ZFHX3: variants seen among roughly 807,000 people sequenced by gnomAD.
ZFHX3 encodes zinc finger homeobox 3, also known as zinc finger homeobox protein 3.
Under a neutral mutation model 279.1 loss-of-function variants are expected in ZFHX3, and 42 were observed. The observed-to-expected ratio is 0.15, with a 90% CI of 0.12 to 0.19. The LOEUF is 0.19. ZFHX3 is among the 10% of genes least tolerant of loss of function. The pLI, the probability that ZFHX3 is intolerant of heterozygous loss-of-function variation, is 1.00. For missense variants in ZFHX3, 4,981 were observed against 4,754.0 expected, an observed-to-expected ratio of 1.05 and a Z score of -1.40; for synonymous variants, 2,293 against 1,957.8, an observed-to-expected ratio of 1.17 and a Z score of -4.52.
At chr16:73,485,118 G>A (rs2018950110) in intron 2 of ZFHX3, among the ~76,000 whole-genome samples, 1 of 152,180 alleles carries the variant, frequency 6.6e-6, no homozygotes, top group South Asian at 2.1e-4. Context: ...ATAGGAGGAG[G>A]ACTGAAAATA....
At chr16:73,376,111 C>G (rs964031849) in intron 3 of ZFHX3, among the ~76,000 whole-genome samples, 7 of 152,184 alleles carry the variant, frequency 4.6e-5, no homozygotes, top group Non-Finnish European at 7.3e-5. Flanking sequence ...CTACAGGTAA[C>G]TTTAAGATAA....
intron 2 of ZFHX3, among the ~76,000 whole-genome samples, chr16:73,463,118 C>G (rs114457287): frequency 0.016 from 2,413 of 152,246 alleles, 52 homozygotes; most frequent in African/African-American, 0.056. Context: ...TTTCTTAGTC[C>G]ATAATACTCA....
intron 1 of ZFHX3, among the ~76,000 whole-genome samples, chr16:73,033,629 C>T (rs982499390): frequency 3.9e-5 from 6 of 152,120 alleles, no homozygotes; most frequent in African/African-American, 1.4e-4. Context: ...AGGCCAGCGC[C>T]GGGGCCCCTT....
At chr16:73,518,237 T>G (rs1276818847) in intron 2 of ZFHX3, among the ~76,000 whole-genome samples, 2 of 152,214 alleles carry the variant, frequency 1.3e-5, no homozygotes, top group African/African-American at 2.4e-5. Flanking sequence ...TCGCCTTCTT[T>G]CGCTGGACTA....
intron 3 of ZFHX3, among the ~76,000 whole-genome samples, chr16:73,439,816 G>A (rs934601687): frequency 6.8e-6 from 1 of 146,602 alleles, no homozygotes; most frequent in African/African-American, 2.5e-5. Flanking sequence ...TGCTGAAATT[G>A]GACACATGTG....
chr16:73,262,451 G>A (rs904233566), intron 4 of ZFHX3, among the ~76,000 whole-genome samples: 1 of 152,176 alleles, frequency 6.6e-6, no homozygotes, highest in Non-Finnish European at 1.5e-5. Flanking sequence ...CTAGTTGTGT[G>A]ACCTGGAGCA....
At chr16:73,629,364 C>G (rs1056285022) in intron 2 of ZFHX3, among the ~76,000 whole-genome samples, 7 of 152,034 alleles carry the variant, frequency 4.6e-5, no homozygotes, top group African/African-American at 1.7e-4. Context: ...TTTATTTTCC[C>G]TCCTTCTTAG....
At chr16:72,945,141 G>A (rs1473898457) in intron 3 of ZFHX3, among the ~76,000 whole-genome samples, 2 of 152,094 alleles carry the variant, frequency 1.3e-5, no homozygotes, top group African/African-American at 4.8e-5. Context: ...ACAACCTATT[G>A]GACGAATGTG....
intron 2 of ZFHX3, among the ~76,000 whole-genome samples, chr16:73,507,485 CTTTTTTTTTT>C (rs752001880): frequency 6.3e-5 from 5 of 79,762 alleles, no homozygotes; most frequent in Admixed American, 3.8e-4. Flanking sequence ...AGCTCTGCCA[CTTTTTTTTTT>C]TTTTTTTTTT....
intron 1 of ZFHX3, among the ~76,000 whole-genome samples, chr16:73,760,996 G>A (rs201774207): frequency 1.3e-3 from 187 of 141,942 alleles, no homozygotes; most frequent in Middle Eastern, 3.8e-3. Context: ...GCAAGAAAAA[G>A]AAAAAAAAAA....
intron 3 of ZFHX3, among the ~76,000 whole-genome samples, chr16:73,446,414 G>C (rs2018186210): frequency 6.6e-6 from 1 of 152,118 alleles, no homozygotes; most frequent in African/African-American, 2.4e-5. Flanking sequence ...GAGTGAAGCT[G>C]GGGAAAGAAC....
chr16:73,021,648 T>A (rs372315912), intron 1 of ZFHX3, among the ~76,000 whole-genome samples: 3 of 151,278 alleles, frequency 2.0e-5, no homozygotes, highest in Non-Finnish European at 4.4e-5. Context: ...CTGGCCAACA[T>A]AGTGAAACCC....
intron 2 of ZFHX3, among the ~76,000 whole-genome samples, chr16:73,613,736 T>C (rs2052271056): frequency 6.6e-6 from 1 of 152,204 alleles, no homozygotes; most frequent in Admixed American, 6.5e-5. Context: ...GTGCCCCGTT[T>C]CACTAGGCAT....
chr16:73,442,301 C>T (rs1413012162), intron 3 of ZFHX3, among the ~76,000 whole-genome samples: 1 of 152,008 alleles, frequency 6.6e-6, no homozygotes, highest in African/African-American at 2.4e-5. Flanking sequence ...TATAGATGAA[C>T]CTTTTCTCCT....
At chr16:73,526,746 A>T (rs1423844146) in intron 2 of ZFHX3, among the ~76,000 whole-genome samples, 1 of 152,180 alleles carries the variant, frequency 6.6e-6, no homozygotes, top group Non-Finnish European at 1.5e-5. Context: ...CCCAGTGGCT[A>T]ATAATCTAGC....
chr16:72,798,705 T>G lies in ZFHX3; in HGVS notation c.3977A>C (p.Glu1326Ala). The change falls in exon 9 of 10, where the codon GAG becomes GCG. Residue 1326 changes from glutamate (E) to alanine (A), a missense_variant. By Grantham distance (107) the Glu-to-Ala change is moderately radical (BLOSUM62 -1). Around this residue, in one of 7 missense-constraint regions of ZFHX3, gnomAD observed 1,751 missense variants for 1,770.0 expected, o/e 0.99. Transcript: ENST00000268489. ...EEAGKQPETS[E>A]DLGKNILPSA... ...TGGCAAGATGTTCTTTCCCAGATCC[T>G]CTGAGGTTTCTGTTAAAAAAAAAAA... 1 of 1,530,354 alleles carries G rather than the reference T, an allele frequency of 6.5e-7. No individual in the cohort carries two copies. Among genetic ancestry groups the G allele is most frequent in the Non-Finnish European group, 8.7e-7 (1 of 1,146,578 alleles). The allele number at this position is 1,530,354 out of a possible 1,614,324, so 94.8% of individuals were successfully genotyped here.
At chr16:73,510,514 T>C (rs554426785) in intron 2 of ZFHX3, among the ~76,000 whole-genome samples, 1 of 152,324 alleles carries the variant, frequency 6.6e-6, no homozygotes, top group African/African-American at 2.4e-5. Flanking sequence ...AACTAAACCA[T>C]GAAATCTGAA....
intron 4 of ZFHX3, among the ~76,000 whole-genome samples, chr16:72,881,292 T>G (rs2038462679): frequency 6.6e-6 from 1 of 152,200 alleles, no homozygotes; most frequent in African/African-American, 2.4e-5. Flanking sequence ...AGCTTCCTTG[T>G]GGCTCTCAGG....
chr16:73,270,781 T>G (rs1280834385), intron 4 of ZFHX3, among the ~76,000 whole-genome samples: 1 of 152,148 alleles, frequency 6.6e-6, no homozygotes, highest in Non-Finnish European at 1.5e-5. Context: ...TTGACACTAA[T>G]GAGATTCAAG....
Sources: gnomAD v4.1 joint callset for allele counts (sites outside exome capture counted in the v4.1 genomes callset) on GRCh38, gnomAD v4.1.1 for gene constraint, gnomAD v4.1.1 regional missense constraint, MANE v1.5 for transcripts, NCBI Gene and HGNC (gene_info 2026-07-23, HGNC 2026-07-21) for gene names.